The following DAB2IP variants were observed in gnomAD, a reference collection of about 807,000 sequenced individuals.
DAB2IP encodes the protein DAB2 interacting protein.
In DAB2IP, 28 loss-of-function variants were observed where a neutral mutation model predicts 107.2. The ratio of observed to expected loss-of-function variants is 0.26; its 90% CI spans 0.19 to 0.36. The LOEUF (loss-of-function observed/expected upper bound fraction) is 0.36. Ranked by LOEUF, DAB2IP falls within the 10% of genes least tolerant of loss-of-function variation. DAB2IP has a pLI of 1.00. For synonymous variants in DAB2IP, 755 were observed against 706.4 expected (o/e 1.07, Z -1.09); for missense variants, 1,400 against 1,644.7 (o/e 0.85, Z 2.57).
Position 121,698,955 on chromosome 9 carries a change from G to A in DAB2IP, c.229-370G>A, listed in dbSNP as rs1292248928. ...GGGCGGCCGGCCCTGGCGGTCCCCG[G>A]GGGTCTCCGCCCCTCCGCAGCCCCG... On this transcript the variant is annotated intron_variant, in intron 2 of 15. Transcript: ENST00000408936. This position sits in a 1 kb window ranked among gnomAD's most constrained non-coding sequence, Gnocchi z 4.1. 5.9e-5 allele frequency among the ~76,000 whole-genome samples: 9 copies of A among 151,840 alleles called. No individual in the cohort carries two copies. The highest frequency in any genetic ancestry group is 5.9e-5 in the Non-Finnish European group (4 of 67,874).
rs545289205 is a variant in DAB2IP at position 121,770,395 on chromosome 9, C to G, written c.1900-151C>G. 14 of 826,054 alleles carry G rather than the reference C, an allele frequency of 1.7e-5. No individual in the cohort carries two copies. In the South Asian group the frequency reaches 2.1e-4, roughly 12 times the overall value. The allele number at this position is 826,054 out of a possible 1,614,324, so 51.2% of individuals were successfully genotyped here. A position where few individuals can be genotyped will look rare whatever the true frequency, so the allele number is the denominator to read the frequency against. On this transcript the variant is annotated intron_variant, in intron 10 of 15. Transcript: ENST00000408936. ...TTTACCGATTCCTGGGCTCACCCCC[C>G]TCCCAGACCCAGTGGCTCTGACTGG...
intron 3 of DAB2IP, among the ~76,000 whole-genome samples, chr9:121,735,244 G>A (rs931671485): frequency 6.6e-6 from 1 of 152,164 alleles, no homozygotes; most frequent in African/African-American, 2.4e-5. Flanking sequence ...GGGCAGACGG[G>A]GTGGTGTTGG....
intron 8 of DAB2IP, among the ~76,000 whole-genome samples, chr9:121,766,255 C>T (rs1031228278): frequency 2.6e-5 from 4 of 152,208 alleles, no homozygotes; most frequent in Non-Finnish European, 5.9e-5. Context: ...TCACTGAGAA[C>T]CCACTGCCCG....
chr9:121,579,828 C>A (rs1414782942), intron 1 of DAB2IP, among the ~76,000 whole-genome samples: 2 of 152,214 alleles, frequency 1.3e-5, no homozygotes, highest in African/African-American at 2.4e-5. Flanking sequence ...ACTTTGCAAG[C>A]TATAAAGCGC....
intron 3 of DAB2IP, among the ~76,000 whole-genome samples, chr9:121,713,612 G>A (rs1467727204): frequency 6.6e-6 from 1 of 152,156 alleles, no homozygotes; most frequent in East Asian, 1.9e-4. Context: ...GCAGGGCAGG[G>A]GGTTCCAGCT....
At chr9:121,577,900 C>T (rs1480939327) in intron 1 of DAB2IP, among the ~76,000 whole-genome samples, 3 of 152,116 alleles carry the variant, frequency 2.0e-5, no homozygotes, top group East Asian at 1.9e-4. Flanking sequence ...GAGGTCAGGG[C>T]GTCACTCAGG....
chr9:121,770,876 C>T (rs563492721), intron 11 of DAB2IP, 152 bp downstream of exon 11: 39 of 1,102,214 alleles, frequency 3.5e-5, no homozygotes, highest in Admixed American at 3.2e-4. Flanking sequence ...AAGTGGTGAA[C>T]CTCCATTTGG....
chr9:121,644,054 C>A (rs746071552), intron 1 of DAB2IP, among the ~76,000 whole-genome samples: 47 of 152,136 alleles, frequency 3.1e-4, no homozygotes, highest in Non-Finnish European at 6.5e-4. Context: ...GCCTGTAGTC[C>A]TAGCTGCTCG....
At chr9:121,757,515 C>T (rs1181195953) in intron 4 of DAB2IP, among the ~76,000 whole-genome samples, 1 of 152,140 alleles carries the variant, frequency 6.6e-6, no homozygotes, top group Admixed American at 6.5e-5. Context: ...CTCCCAAATG[C>T]AGTGTGGATA....
intron 14 of DAB2IP, among the ~76,000 whole-genome samples, chr9:121,781,145 G>A (rs1441860580): frequency 6.6e-6 from 1 of 152,204 alleles, no homozygotes; most frequent in East Asian, 1.9e-4. Context: ...AGCTCTAGGG[G>A]TTTGAAGATC....
chr9:121,621,617 G>A (rs1346836063), intron 1 of DAB2IP, among the ~76,000 whole-genome samples: 1 of 148,528 alleles, frequency 6.7e-6, no homozygotes, highest in Non-Finnish European at 1.5e-5. Flanking sequence ...TATCATGGCT[G>A]TTTGTATTTC....
At chr9:121,731,800 C>T (rs1831556386) in intron 3 of DAB2IP, among the ~76,000 whole-genome samples, 1 of 152,166 alleles carries the variant, frequency 6.6e-6, no homozygotes, top group Non-Finnish European at 1.5e-5. Flanking sequence ...GATCTCCCTG[C>T]ACTACCCCAC....
chr9:121,642,615 T>TAAAAAA (rs397893249), intron 1 of DAB2IP, among the ~76,000 whole-genome samples: 8 of 123,960 alleles, frequency 6.5e-5, no homozygotes, highest in African/African-American at 1.8e-4. Context: ...TCTTTTCTAT[T>TAAAAAA]AAAAAAAAAA....
intron 3 of DAB2IP, among the ~76,000 whole-genome samples, chr9:121,713,790 T>A (rs1325272813): frequency 6.6e-6 from 1 of 152,140 alleles, no homozygotes; most frequent in Non-Finnish European, 1.5e-5. Context: ...AAATCTTGGG[T>A]TATACCATAC....
chr9:121,744,670 G>A (rs991893645), intron 3 of DAB2IP, among the ~76,000 whole-genome samples: 1 of 152,156 alleles, frequency 6.6e-6, no homozygotes, highest in East Asian at 1.9e-4. Flanking sequence ...AGGCATTGAC[G>A]GGCAGTGAAG....
At chr9:121,733,055 G>A (rs1352755430) in intron 3 of DAB2IP, among the ~76,000 whole-genome samples, 2 of 152,218 alleles carry the variant, frequency 1.3e-5, no homozygotes, top group African/African-American at 4.8e-5. Flanking sequence ...CTTCAGCTAA[G>A]TACAACTGGT....
At chr9:121,695,407 G>A (rs1341180100) in intron 2 of DAB2IP, among the ~76,000 whole-genome samples, 4 of 152,132 alleles carry the variant, frequency 2.6e-5, no homozygotes, top group South Asian at 4.1e-4. Flanking sequence ...TCTTTCTGGC[G>A]ACATTGTACC....
intron 2 of DAB2IP, among the ~76,000 whole-genome samples, chr9:121,695,250 G>A (rs896466402): frequency 1.3e-5 from 2 of 152,160 alleles, no homozygotes; most frequent in African/African-American, 4.8e-5. Flanking sequence ...CTGCCGGGCG[G>A]CCCACAGCCT....
intron 3 of DAB2IP, among the ~76,000 whole-genome samples, chr9:121,732,636 G>C (rs1026066305): frequency 6.6e-6 from 1 of 152,172 alleles, no homozygotes; most frequent in African/African-American, 2.4e-5. Flanking sequence ...TGGGGAGCTT[G>C]AGGGGCAGGA....
Sources: gnomAD v4.1 joint callset for allele counts (sites outside exome capture counted in the v4.1 genomes callset) on GRCh38, gnomAD v4.1.1 for gene constraint, Gnocchi (gnomAD v3.1) non-coding constraint, MANE v1.5 for transcripts, NCBI Gene and HGNC (gene_info 2026-07-23, HGNC 2026-07-21) for gene names.